The following MICAL2 variants were observed in gnomAD, a reference collection of about 807,000 sequenced individuals.
The protein encoded by MICAL2 is microtubule associated monooxygenase, calponin and LIM domain containing 2.
MICAL2 carries 77 observed loss-of-function variants against 127.3 expected under a neutral mutation model. The ratio of observed to expected loss-of-function variants is 0.60; its 90% CI spans 0.50 to 0.73. The LOEUF (loss-of-function observed/expected upper bound fraction) is 0.73. Among genes scored for constraint, MICAL2 ranks in the 30% least tolerant of loss-of-function variants. MICAL2 has a pLI of 0.00. For missense variants in MICAL2, 1,351 were observed against 1,434.4 expected, an observed-to-expected ratio of 0.94 and a Z score of 0.94; for synonymous variants, 570 against 551.1, an observed-to-expected ratio of 1.03 and a Z score of -0.48.
downstream of MICAL2, chr11:12,293,788 C>A (rs79609470): frequency 0.023 from 36,366 of 1,612,438 alleles, 822 homozygotes; most frequent in East Asian, 0.12. Flanking sequence ...CAGCAGAGGC[C>A]CCTCTTGGGG....
Position 12,247,164 on chromosome 11 carries a change from C to T in MICAL2, c.2785-2020C>T, listed in dbSNP as rs556838368. ...GCTCTCCTGTGTCCTGCAGAAGCCA[C>T]GCATGCATGGAGGCCTTGTCAGAGG... On this transcript the variant is annotated intron_variant, in intron 21 of 27. Transcript: ENST00000683283. Among the ~76,000 whole-genome samples the T allele has an allele frequency of 5.9e-5, 9 of 152,210 alleles. No homozygotes were observed. The South Asian group carries it at 8.3e-4, about 14-fold the overall frequency.
chr11:12,171,286 A>G (rs1306825605), intron 3 of MICAL2, among the ~76,000 whole-genome samples: 1 of 152,164 alleles, frequency 6.6e-6, no homozygotes, highest in Non-Finnish European at 1.5e-5. Context: ...ACAAGGCCCT[A>G]GGGAGTCTCT....
intron 2 of MICAL2, among the ~76,000 whole-genome samples, chr11:12,147,429 G>A (rs1853055286): frequency 1.3e-5 from 2 of 152,172 alleles, no homozygotes; most frequent in Admixed American, 1.3e-4. Flanking sequence ...GAGTGAATTA[G>A]CTACAAAATA....
chr11:12,184,442 G>A (rs1565116679), intron 3 of MICAL2, among the ~76,000 whole-genome samples: 1 of 152,188 alleles, frequency 6.6e-6, no homozygotes, highest in Non-Finnish European at 1.5e-5. Context: ...CCGAAAATGT[G>A]GTAGTCAGCT....
At chr11:12,173,546 A>G (rs368327330) in intron 3 of MICAL2, among the ~76,000 whole-genome samples, 13 of 152,336 alleles carry the variant, frequency 8.5e-5, no homozygotes, top group African/African-American at 2.6e-4. Context: ...AAATATGTTT[A>G]ACAAATTTGT....
rs367992902 is a variant in MICAL2 at position 12,327,321 on chromosome 11, C to T, written c.5515+55C>T. 3,233 of 1,430,938 alleles carry T rather than the reference C, an allele frequency of 2.3e-3. 5 individuals are homozygous for T. Among genetic ancestry groups the T allele is most frequent in the Non-Finnish European group, 2.8e-3 (2,947 of 1,052,768 alleles). 88.6% of individuals were successfully genotyped at this position (1,430,938 alleles called of 1,614,324 possible). On this transcript the variant is annotated intron_variant, in intron 32 of 34. Coordinates refer to the MICAL2 transcript ENST00000646065. ...GGGCATGGTCTGAGAATAGTGCTAG[C>T]GTAACCATCTGAGGAAAACAGACCT...
At position 12,279,817 on chromosome 11, in the gene MICAL2, TC is replaced by T. The variant is rs1453351949; in HGVS notation, c.88-1113del. Among the ~76,000 whole-genome samples the T allele has an allele frequency of 3.9e-5, 6 of 152,252 alleles. No individual in the cohort carries two copies. In the East Asian group the frequency reaches 9.7e-4, roughly 25 times the overall value. On this transcript the variant is annotated intron_variant, in intron 1 of 2. Transcript: ENST00000529028. The stretch of plus-strand genomic sequence containing the variant: ...GCCAAGGCAGGCCTCCAGCTGCTAC[TC>T]CCACATCACATACTTCCCTCTGGGA...
At chr11:12,296,676 A>C (rs1863989671), downstream of MICAL2, among the ~76,000 whole-genome samples, 1 of 151,868 alleles carries the variant, frequency 6.6e-6, no homozygotes, top group Non-Finnish European at 1.5e-5. Context: ...TCCCTGAGCA[A>C]TCCAGGTCCT....
intron 6 of MICAL2, among the ~76,000 whole-genome samples, chr11:12,212,848 T>C (rs1251182825): frequency 2.0e-5 from 3 of 152,194 alleles, no homozygotes; most frequent in Non-Finnish European, 1.5e-5. Context: ...TGTGATCTAC[T>C]TTTCAAGGGG....
At chr11:12,335,979 AT>A (rs1399416952) in intron 32 of MICAL2, among the ~76,000 whole-genome samples, 2 of 152,168 alleles carry the variant, frequency 1.3e-5, no homozygotes, top group African/African-American at 4.8e-5. Flanking sequence ...AGTTTTTCCA[AT>A]TCTGTGAAGA....
At chr11:12,194,775 C>T (rs1859670593) in intron 3 of MICAL2, among the ~76,000 whole-genome samples, 1 of 152,096 alleles carries the variant, frequency 6.6e-6, no homozygotes, top group Admixed American at 6.5e-5. Flanking sequence ...GTACCAGCAC[C>T]AGAGCCCAAG....
At chr11:12,341,467 C>CA (rs75906702) in intron 32 of MICAL2, among the ~76,000 whole-genome samples, 1 of 149,942 alleles carries the variant, frequency 6.7e-6, no homozygotes, top group Non-Finnish European at 1.5e-5. Flanking sequence ...TAAAAACAAA[C>CA]AAAAAAAAAG....
rs116693881 is a variant in MICAL2 at position 12,112,472 on chromosome 11, T to C, written c.-149+1746T>C. Among the ~76,000 whole-genome samples, 1,417 of 150,102 alleles carry C rather than the reference T, an allele frequency of 9.4e-3. 23 individuals are homozygous for C. The highest frequency in any genetic ancestry group is 0.032 in the African/African-American group (1,297 of 40,670). ...GCCTCACCTCTGAGAAGCTGGCTTCTGGTATAGTCTAGGAGGACTGTGTTA... is the reference window on the plus strand; with the variant it reads ...GCCTCACCTCTGAGAAGCTGGCTTCCGGTATAGTCTAGGAGGACTGTGTTA... On this transcript the variant is annotated intron_variant, in intron 1 of 27. Transcript: ENST00000683283.
At position 12,249,180 on chromosome 11, in the gene MICAL2, A is replaced by G; in HGVS notation, c.2785-4A>G. 6.2e-7 allele frequency: 1 copy of G among 1,613,878 alleles called. No homozygotes were observed. Among genetic ancestry groups the G allele is most frequent in the South Asian group, 1.1e-5 (1 of 91,034 alleles). On this transcript the variant is annotated splice_polypyrimidine_tract_variant and splice_region_variant and intron_variant, in intron 21 of 27. Transcript: ENST00000683283. ...AATGCATGTTGATCCCTCTCTTTCT[A>G]AAGGAAAAGAAGTCACCTTCAGGGT... is the stretch of plus-strand genomic sequence containing the variant.
chr11:12,157,469 A>G (rs183865691), intron 2 of MICAL2, among the ~76,000 whole-genome samples: 28 of 152,362 alleles, frequency 1.8e-4, no homozygotes, highest in African/African-American at 6.7e-4. Flanking sequence ...GCAGGGGAGC[A>G]GAAGAACCAC....
At chr11:12,157,719 C>T (rs983985378) in intron 2 of MICAL2, among the ~76,000 whole-genome samples, 2 of 151,946 alleles carry the variant, frequency 1.3e-5, no homozygotes, top group African/African-American at 2.4e-5. Context: ...ATCCTGACTA[C>T]GTTCTTTTGG....
At position 12,219,637 on chromosome 11, in the gene MICAL2, T is replaced by C. The variant is rs117524505; in HGVS notation, c.949-564T>C. Among the ~76,000 whole-genome samples, 635 of 152,220 alleles carry C rather than the reference T, an allele frequency of 4.2e-3. 23 individuals carry two copies. In the East Asian group the frequency reaches 0.079, roughly 19 times the overall value. On this transcript the variant is annotated intron_variant, in intron 8 of 27. Transcript: ENST00000683283. ...TGTGAGAGGTTTCCCATTTTCTTTT[T>C]CTGGTCTTGTTTGACCACTAAACAT...
intron 16 of MICAL2, among the ~76,000 whole-genome samples, chr11:12,238,260 C>T (rs1277390588): frequency 6.6e-6 from 1 of 152,144 alleles, no homozygotes; most frequent in Non-Finnish European, 1.5e-5. Flanking sequence ...ACTCCTGAGG[C>T]CTGTGGGAGG....
intron 6 of MICAL2, among the ~76,000 whole-genome samples, chr11:12,211,703 A>G (rs1207682980): frequency 6.6e-6 from 1 of 152,188 alleles, no homozygotes; most frequent in Non-Finnish European, 1.5e-5. Flanking sequence ...CAATAGGGAA[A>G]GTACCAAGTT....
Sources: gnomAD v4.1 joint callset for allele counts (sites outside exome capture counted in the v4.1 genomes callset) on GRCh38, gnomAD v4.1.1 for gene constraint, MANE v1.5 for transcripts, NCBI Gene and HGNC (gene_info 2026-07-23, HGNC 2026-07-21) for gene names.